Variants in AAK1 observed in about 807,000 individuals in gnomAD.
The protein encoded by AAK1 is AP2-associated protein kinase 1.
Under a neutral mutation model 116.0 loss-of-function variants are expected in AAK1, and 37 were observed. That is an observed-to-expected ratio of 0.32 (90% CI 0.25 to 0.42). The LOEUF is 0.42. Among genes scored for constraint, AAK1 ranks in the 10% least tolerant of loss-of-function variants. AAK1 has a pLI of 1.00. For missense variants in AAK1, 919 were observed against 1,170.6 expected (o/e 0.79, Z 3.14); for synonymous variants, 458 against 439.9 (o/e 1.04, Z -0.51).
At chr2:69,643,494 CG>C (rs965595302) in intron 1 of AAK1, 80 bp downstream of exon 1, 4 of 1,218,252 alleles carry the variant, frequency 3.3e-6, no homozygotes, top group Non-Finnish European at 4.1e-6. Flanking sequence ...GCTCCGGCAG[CG>C]CCGACCCTCC....
intron 2 of AAK1, among the ~76,000 whole-genome samples, chr2:69,590,770 A>G (rs185331108): frequency 4.6e-5 from 7 of 152,382 alleles, no homozygotes; most frequent in East Asian, 1.9e-4. Context: ...TAAAATGGGA[A>G]TAAGTATATC....
At position 69,514,297 on chromosome 2, in the gene AAK1, T is replaced by C. The variant is rs74756859; in HGVS notation, c.1776+174A>G. Among the ~76,000 whole-genome samples the C allele has an allele frequency of 4.6e-3, 696 of 152,334 alleles. 4 individuals are homozygous for C. Among genetic ancestry groups the C allele is most frequent in the African/African-American group, 0.016 (663 of 41,580 alleles). On this transcript the variant is annotated intron_variant, in intron 13 of 21. Transcript: ENST00000409085. The stretch of plus-strand genomic sequence containing the variant: ...TTTTTAAAAAAACCTCTATCTTCTA[T>C]AGAACATCCATACTATTCTTGGATA...
At position 69,475,473 on chromosome 2, in the gene AAK1, G is replaced by A. The variant is rs1235395103; in HGVS notation, c.*396C>T. 6 of 1,017,854 alleles carry A rather than the reference G, an allele frequency of 5.9e-6. No individual in the cohort carries two copies. Among genetic ancestry groups the A allele is most frequent in the African/African-American group, 3.4e-5 (2 of 58,184 alleles). The allele number at this position is 1,017,854 out of a possible 1,614,324, so 63.1% of individuals were successfully genotyped here. Reference sequence around the variant, plus strand: ...CAGCATCTGGCCAAAGGAGACGGGGGTTGGGAGAATTGATCTGGGAGGCCA... The same window carrying A: ...CAGCATCTGGCCAAAGGAGACGGGGATTGGGAGAATTGATCTGGGAGGCCA... On this transcript the variant is annotated 3_prime_UTR_variant, in exon 22 of 22. Transcript: ENST00000409085.
At chr2:69,617,288 A>G (rs981074452) in intron 2 of AAK1, among the ~76,000 whole-genome samples, 1 of 152,248 alleles carries the variant, frequency 6.6e-6, no homozygotes, top group African/African-American at 2.4e-5. Flanking sequence ...TAAGGAACAC[A>G]ATCAATTCAC....
At chr2:69,599,038 G>A (rs144135180) in intron 2 of AAK1, 169 of 281,090 alleles carry the variant, frequency 6.0e-4, no homozygotes, top group Admixed American at 1.7e-3. Flanking sequence ...GGGGAGGTCC[G>A]TGTGCTAGCT....
intron 2 of AAK1, among the ~76,000 whole-genome samples, chr2:69,592,248 T>A (rs1383337517): frequency 6.6e-6 from 1 of 152,174 alleles, no homozygotes; most frequent in Non-Finnish European, 1.5e-5. Flanking sequence ...CTGCCTCAAC[T>A]CACTTTAAGG....
rs1265413414 is a variant in AAK1, at chr2:69,514,578, T to C, written c.1669A>G (p.Met557Val). Residue 557 changes from methionine (M) to valine (V), a missense_variant, in exon 13 of 22, where the codon ATG becomes GTG. Met to Val is a conservative substitution (Grantham distance 21). Transcript: ENST00000409085. Reference protein sequence around the residue: ...LATALHQQQLMTQQAALQQKP... With the variant: ...LATALHQQQLVTQQAALQQKP... ...TGCTGCAAGGCAGCCTGCTGAGTCA[T>C]CAGCTGTTGTTGATGCAGGGCTGTG... The C allele has an allele frequency of 6.4e-7, 1 of 1,573,334 alleles. No individual in the cohort carries two copies. The highest frequency in any genetic ancestry group is 8.6e-7 in the Non-Finnish European group (1 of 1,159,326).
intron 2 of AAK1, among the ~76,000 whole-genome samples, chr2:69,603,382 G>A (rs933984622): frequency 6.6e-6 from 1 of 152,102 alleles, no homozygotes; most frequent in African/African-American, 2.4e-5. Context: ...AGAGGAGAGA[G>A]AGAGAGAGAA....
chr2:69,603,629 G>A (rs758285204), intron 2 of AAK1, among the ~76,000 whole-genome samples: 2 of 152,162 alleles, frequency 1.3e-5, no homozygotes, highest in African/African-American at 4.8e-5. Flanking sequence ...GAAGGGCTCT[G>A]TGTAGAAAGA....
chr2:69,482,534 T>A, intron 18 of AAK1, 177 bp downstream of exon 18: 1 of 713,496 alleles, frequency 1.4e-6, no homozygotes, highest in African/African-American at 1.8e-5. Flanking sequence ...AAATAGACGT[T>A]GTACCCCCGA....
chr2:69,480,902 G>T lies in AAK1; in HGVS notation c.2527C>A (p.Arg843Ser), dbSNP rs374706246. ...ACAGATTCCGTCTGAGATGGGAGGC[G>T]CTGGGGAACTGGGGGCTCCAGTCCT... ...IPGLEPPVPQ[R>S]LPSQTESVTS... Residue 843 changes from arginine (R) to serine (S), a missense_variant, in exon 19 of 22, where the codon CGC becomes AGC. By Grantham distance (110) the Arg-to-Ser change is moderately radical. This residue lies in a region of AAK1 where 263 missense variants were observed against 285.5 expected (regional missense o/e 0.92). Coordinates refer to ENST00000409085, the MANE Select transcript of AAK1 (RefSeq NM_014911.5). 1 of 1,607,000 alleles carries T rather than the reference G, an allele frequency of 6.2e-7. No individual in the cohort carries two copies. Among genetic ancestry groups the T allele is most frequent in the Admixed American group, 1.7e-5 (1 of 59,198 alleles).
At chr2:69,522,519 G>A (rs1669830967) in intron 10 of AAK1, among the ~76,000 whole-genome samples, 1 of 151,984 alleles carries the variant, frequency 6.6e-6, no homozygotes, top group Non-Finnish European at 1.5e-5. Flanking sequence ...GAAAGAAAAA[G>A]CTGGCTGGGT....
chr2:69,622,479 C>T (rs1674692997), intron 2 of AAK1, among the ~76,000 whole-genome samples: 1 of 152,254 alleles, frequency 6.6e-6, no homozygotes, highest in South Asian at 2.1e-4. Context: ...GTGCAAGATC[C>T]ACTGGGTGAA....
At chr2:69,573,828 G>A (rs774392385) in intron 2 of AAK1, among the ~76,000 whole-genome samples, 3 of 151,246 alleles carry the variant, frequency 2.0e-5, no homozygotes, top group Non-Finnish European at 3.0e-5. Flanking sequence ...AGTGAAACCC[G>A]TCTCTACTAA....
chr2:69,587,417 A>G (rs1320034104), intron 2 of AAK1, among the ~76,000 whole-genome samples: 1 of 151,442 alleles, frequency 6.6e-6, no homozygotes, highest in Non-Finnish European at 1.5e-5. Flanking sequence ...ACATGTGTAT[A>G]TATACACATA....
chr2:69,623,871 G>GA (rs1335714541), intron 2 of AAK1, among the ~76,000 whole-genome samples: 9 of 150,828 alleles, frequency 6.0e-5, no homozygotes, highest in South Asian at 2.1e-4. Context: ...TGACAAAATA[G>GA]AAAAAAAACC....
rs965847418 is a variant in AAK1, at chr2:69,502,179, ATT to A, written c.2269+3388_2269+3389del. On this transcript the variant is annotated intron_variant, in intron 16 of 21. Coordinates refer to ENST00000409085, the MANE Select transcript of AAK1 (RefSeq NM_014911.5). ...CAGATATTAAAAGATATATATATAT[ATT>A]GTTGTACTTTAATGAAAAATTTTAA... 1.4e-4 allele frequency among the ~76,000 whole-genome samples: 22 copies of A among 152,242 alleles called. No homozygotes were observed. The East Asian group carries it at 1.7e-3, about 12-fold the overall frequency.
intron 17 of AAK1, among the ~76,000 whole-genome samples, chr2:69,489,910 ACC>A (rs1489976075): frequency 6.6e-6 from 1 of 152,144 alleles, no homozygotes; most frequent in Non-Finnish European, 1.5e-5. Flanking sequence ...ATTATGATCA[ACC>A]TTGGACTTCT....
In AAK1 at chr2:69,525,124, CAAACA is replaced by C; in HGVS notation, c.976-17_976-13del. On this transcript the variant is annotated splice_polypyrimidine_tract_variant and intron_variant, in intron 9 of 21. Coordinates refer to ENST00000409085, the MANE Select transcript of AAK1 (RefSeq NM_014911.5). ...GGAATGGGAGAGTTCTATAGAATTG[CAAACA>C]AAACAGAACAAAACAAAAGGACATC... 3 of 1,612,808 alleles carry C rather than the reference CAAACA, an allele frequency of 1.9e-6. No homozygotes were observed. Among genetic ancestry groups the C allele is most frequent in the East Asian group, 2.2e-5 (1 of 44,848 alleles).
Sources: gnomAD v4.1 joint callset for allele counts (sites outside exome capture counted in the v4.1 genomes callset) on GRCh38, gnomAD v4.1.1 for gene constraint, gnomAD v4.1.1 regional missense constraint, MANE v1.5 for transcripts, NCBI Gene and HGNC (gene_info 2026-07-23, HGNC 2026-07-21) for gene names.